SAMD5: variants seen among roughly 807,000 people sequenced by gnomAD.
SAMD5 encodes the protein sterile alpha motif domain-containing protein 5.
Under a neutral mutation model 11.3 loss-of-function variants are expected in SAMD5, and 13 were observed. That is an observed-to-expected ratio of 1.15 (90% CI 0.75 to 1.83). SAMD5 has a LOEUF of 1.83. Among genes scored for constraint, SAMD5 ranks in the 40% most tolerant of loss-of-function variants. The pLI is 0.00. For missense variants in SAMD5, 255 were observed against 239.1 expected, an observed-to-expected ratio of 1.07 and a Z score of -0.44; for synonymous variants, 129 against 111.3, an observed-to-expected ratio of 1.16 and a Z score of -1.00.
chr6:147,540,955 T>C (rs1174945238), intron 1 of SAMD5, among the ~76,000 whole-genome samples: 1 of 142,446 alleles, frequency 7.0e-6, no homozygotes, highest in Non-Finnish European at 1.5e-5. Context: ...TTTTTTTTTT[T>C]TTTTTGAGAA....
the SAMD5 span, among the ~76,000 whole-genome samples, chr6:147,776,200 C>T: frequency 2.6e-5 from 4 of 152,154 alleles, no homozygotes; most frequent in Non-Finnish European, 4.4e-5. Flanking sequence ...TTATGCCTTG[C>T]TCAGGAAATA....
the SAMD5 span, among the ~76,000 whole-genome samples, chr6:147,927,982 G>T: frequency 6.6e-6 from 1 of 151,884 alleles, no homozygotes; most frequent in South Asian, 2.1e-4. Context: ...TAATTTGTGC[G>T]TGTTAAACCA....
the SAMD5 span, among the ~76,000 whole-genome samples, chr6:147,849,396 A>T: frequency 6.6e-6 from 1 of 152,128 alleles, no homozygotes; most frequent in African/African-American, 2.4e-5. Flanking sequence ...TCAGTATACT[A>T]GTAGATATGC....
chr6:147,601,576 C>A (rs534956039), intron 1 of SAMD5, among the ~76,000 whole-genome samples: 1 of 152,126 alleles, frequency 6.6e-6, no homozygotes, highest in Non-Finnish European at 1.5e-5. Flanking sequence ...ACCTTCCCAA[C>A]GGAACACACG....
the SAMD5 span, among the ~76,000 whole-genome samples, chr6:147,910,810 T>G: frequency 9.9e-5 from 15 of 152,240 alleles, no homozygotes; most frequent in African/African-American, 2.7e-4. Context: ...TTATATTTTA[T>G]TTGGAGAAAT....
chr6:147,782,879 G>A, the SAMD5 span, among the ~76,000 whole-genome samples: 2 of 151,972 alleles, frequency 1.3e-5, no homozygotes, highest in Admixed American at 6.6e-5. Context: ...ATTGTATTTC[G>A]GCATTTCTGT....
intron 1 of SAMD5, among the ~76,000 whole-genome samples, chr6:147,515,245 G>C (rs1788150056): frequency 7.3e-6 from 1 of 136,586 alleles, no homozygotes; most frequent in South Asian, 2.5e-4. Context: ...GGAAAAAAGT[G>C]GGGGCAGGAA....
At chr6:147,572,306 T>C (rs1018611030), downstream of SAMD5, among the ~76,000 whole-genome samples, 2 of 152,200 alleles carry the variant, frequency 1.3e-5, no homozygotes, top group African/African-American at 2.4e-5. Context: ...TTTTGGAAGT[T>C]CACTTTATGG....
chr6:147,584,184 C>T (rs1789341565), intron 1 of SAMD5, among the ~76,000 whole-genome samples: 1 of 151,994 alleles, frequency 6.6e-6, no homozygotes, highest in Admixed American at 6.6e-5. Flanking sequence ...GCATGTATTA[C>T]TTCCATACAT....
At chr6:147,910,847 T>C in the SAMD5 span, among the ~76,000 whole-genome samples, 16 of 152,244 alleles carry the variant, frequency 1.1e-4, 1 homozygote, top group Admixed American at 1.3e-4. Flanking sequence ...TATTTTGTAA[T>C]GATGTTTTCA....
chr6:147,874,961 C>A, the SAMD5 span, among the ~76,000 whole-genome samples: 7 of 152,112 alleles, frequency 4.6e-5, no homozygotes, highest in African/African-American at 1.7e-4. Flanking sequence ...AGAGAAAATG[C>A]CCAAATGGTA....
chr6:147,578,122 A>T (rs945570019), intron 1 of SAMD5, among the ~76,000 whole-genome samples: 2 of 152,192 alleles, frequency 1.3e-5, no homozygotes, highest in Admixed American at 6.5e-5. Flanking sequence ...ATCAAGAAGG[A>T]TAAGAAAGAG....
intron 1 of SAMD5, among the ~76,000 whole-genome samples, chr6:147,618,243 A>G (rs1789902755): frequency 6.6e-6 from 1 of 152,238 alleles, no homozygotes; most frequent in South Asian, 2.1e-4. Context: ...AGACAGCGCC[A>G]TGCTCATCGG....
chr6:147,926,248 C>T, the SAMD5 span, among the ~76,000 whole-genome samples: 10 of 152,154 alleles, frequency 6.6e-5, no homozygotes, highest in Non-Finnish European at 1.5e-4. Flanking sequence ...TTTTAGCTCA[C>T]TGAAGAATTG....
rs148680547 is a variant in SAMD5 at position 147,718,838 on chromosome 6, G to A, written c.163-18479G>A. ...CCCAAGTAGCTGAGACTACAGGCAT[G>A]TGCCACCACCCCTGGCTAATTTTTG... On this transcript the variant is annotated intron_variant, in intron 1 of 1. Transcript: ENST00000566741. Among the ~76,000 whole-genome samples the A allele has an allele frequency of 3.3e-3, 503 of 152,180 alleles. 5 individuals are homozygous for A. The highest frequency in any genetic ancestry group is 0.011 in the African/African-American group (465 of 41,526).
At chr6:147,576,046 G>A (rs1789212436) in intron 1 of SAMD5, among the ~76,000 whole-genome samples, 4 of 152,038 alleles carry the variant, frequency 2.6e-5, no homozygotes, top group Admixed American at 2.0e-4. Context: ...GCTGGTTCAG[G>A]GCAAGAAATA....
At chr6:147,930,942 G>C in the SAMD5 span, among the ~76,000 whole-genome samples, 1 of 152,180 alleles carries the variant, frequency 6.6e-6, no homozygotes, top group African/African-American at 2.4e-5. Flanking sequence ...TGACTCACAT[G>C]TCAGTCTCCT....
intron 1 of SAMD5, among the ~76,000 whole-genome samples, chr6:147,556,284 G>C (rs1788854764): frequency 6.6e-6 from 1 of 151,802 alleles, no homozygotes; most frequent in African/African-American, 2.4e-5. Context: ...AGTAGAGACG[G>C]GGTTTCACCG....
At chr6:147,883,789 A>C in the SAMD5 span, among the ~76,000 whole-genome samples, 125 of 152,314 alleles carry the variant, frequency 8.2e-4, 1 homozygote, top group African/African-American at 2.9e-3. Context: ...TGATGTTCTA[A>C]TATCACTGCA....
Sources: gnomAD v4.1 joint callset for allele counts (sites outside exome capture counted in the v4.1 genomes callset) on GRCh38, gnomAD v4.1.1 for gene constraint, MANE v1.5 for transcripts, NCBI Gene and HGNC (gene_info 2026-07-23, HGNC 2026-07-21) for gene names.